The following MGMT variants were observed in gnomAD, a reference collection of about 807,000 sequenced individuals.
MGMT encodes the protein methylated-DNA--protein-cysteine methyltransferase.
MGMT carries 14 observed loss-of-function variants against 15.9 expected under a neutral mutation model. The observed-to-expected ratio is 0.88, with a 90% CI of 0.58 to 1.37. MGMT has a LOEUF of 1.37. MGMT is among the 40% of genes most tolerant of loss of function. The pLI, the probability that MGMT is intolerant of heterozygous loss-of-function variation, is 0.00. For synonymous variants in MGMT, 130 were observed against 118.2 expected (o/e 1.10, Z -0.65); for missense variants, 282 against 268.1 (o/e 1.05, Z -0.36).
intron 2 of MGMT, among the ~76,000 whole-genome samples, chr10:129,572,611 A>G (rs1202766468): frequency 2.0e-5 from 3 of 152,234 alleles, no homozygotes; most frequent in Non-Finnish European, 4.4e-5. Flanking sequence ...TTTTTATACT[A>G]TGGATGCTGA....
chr10:129,660,751 C>A (rs1211527459), intron 2 of MGMT, among the ~76,000 whole-genome samples: 1 of 149,476 alleles, frequency 6.7e-6, no homozygotes, highest in Non-Finnish European at 1.5e-5. Context: ...TTTCTTTTCA[C>A]AAAGAGGAAG....
At chr10:129,704,227 C>T (rs1848132646) in intron 2 of MGMT, among the ~76,000 whole-genome samples, 1 of 152,026 alleles carries the variant, frequency 6.6e-6, no homozygotes, top group African/African-American at 2.4e-5. Flanking sequence ...CCAGACCTCA[C>T]TAACGGGGAA....
At chr10:129,726,678 T>A (rs1848438040) in intron 3 of MGMT, among the ~76,000 whole-genome samples, 1 of 152,238 alleles carries the variant, frequency 6.6e-6, no homozygotes, top group South Asian at 2.1e-4. Flanking sequence ...AATTTAAATA[T>A]CAGTCATTTT....
intron 2 of MGMT, among the ~76,000 whole-genome samples, chr10:129,696,197 C>T (rs1192341373): frequency 3.3e-5 from 5 of 152,114 alleles, no homozygotes; most frequent in East Asian, 1.9e-4. Context: ...CTTAGTGTAA[C>T]GAGTGGGGCT....
chr10:129,510,247 G>A (rs1564837998), intron 1 of MGMT, among the ~76,000 whole-genome samples: 1 of 152,196 alleles, frequency 6.6e-6, no homozygotes, highest in Non-Finnish European at 1.5e-5. Context: ...TAACATAGTT[G>A]TTAGAAATAT....
intron 1 of MGMT, among the ~76,000 whole-genome samples, chr10:129,475,782 C>G (rs538297008): frequency 3.8e-4 from 58 of 152,332 alleles, no homozygotes; most frequent in African/African-American, 1.4e-3. Context: ...TCCATGGTGC[C>G]ACTTCTGAAA....
chr10:129,479,572 GT>G (rs1564829909), intron 1 of MGMT, among the ~76,000 whole-genome samples: 1 of 152,194 alleles, frequency 6.6e-6, no homozygotes, highest in Admixed American at 6.5e-5. Flanking sequence ...AATCAGTCAT[GT>G]TTTTGTGGAA....
At chr10:129,753,125 C>T (rs1848767405) in intron 3 of MGMT, among the ~76,000 whole-genome samples, 1 of 152,092 alleles carries the variant, frequency 6.6e-6, no homozygotes, top group Non-Finnish European at 1.5e-5. Flanking sequence ...AGGTTTTTTT[C>T]TTTCTTTCAG....
intron 2 of MGMT, among the ~76,000 whole-genome samples, chr10:129,567,466 C>T (rs1219749744): frequency 4.6e-5 from 7 of 152,066 alleles, no homozygotes; most frequent in African/African-American, 1.4e-4. Context: ...GGGGTCCCGG[C>T]GAGAAAGAGC....
At chr10:129,482,491 T>G (rs1845369017) in intron 1 of MGMT, among the ~76,000 whole-genome samples, 1 of 152,174 alleles carries the variant, frequency 6.6e-6, no homozygotes, top group Non-Finnish European at 1.5e-5. Context: ...CTAAAAATTA[T>G]TAGGAGTATT....
At chr10:129,643,380 G>A (rs544176588) in intron 2 of MGMT, among the ~76,000 whole-genome samples, 1 of 152,322 alleles carries the variant, frequency 6.6e-6, no homozygotes, top group African/African-American at 2.4e-5. Context: ...CAGTGGTTTT[G>A]AGTTTCCTGA....
chr10:129,725,700 T>C (rs559899240), intron 3 of MGMT, among the ~76,000 whole-genome samples: 44 of 152,222 alleles, frequency 2.9e-4, no homozygotes, highest in Non-Finnish European at 5.3e-4. Flanking sequence ...AGGATGCAGA[T>C]GCCCAGATTG....
At chr10:129,524,087 G>A (rs556515766) in intron 1 of MGMT, among the ~76,000 whole-genome samples, 1 of 152,336 alleles carries the variant, frequency 6.6e-6, no homozygotes, top group Non-Finnish European at 1.5e-5. Flanking sequence ...TGACCTGGGA[G>A]TGTCGTGAAG....
chr10:129,715,456 T>A (rs1848282911), intron 3 of MGMT: 1 of 152,256 alleles, frequency 6.6e-6, no homozygotes, highest in Non-Finnish European at 1.5e-5. Flanking sequence ...ATTTTCTCTC[T>A]GTTTTAAAGT....
At chr10:129,555,849 T>G (rs1422762921) in intron 2 of MGMT, among the ~76,000 whole-genome samples, 1 of 152,252 alleles carries the variant, frequency 6.6e-6, no homozygotes, top group East Asian at 1.9e-4. Context: ...CAAGTTTTAT[T>G]TTCGGCAACT....
intron 2 of MGMT, among the ~76,000 whole-genome samples, chr10:129,684,850 C>T (rs1035769792): frequency 6.6e-6 from 1 of 152,234 alleles, no homozygotes; most frequent in Middle Eastern, 3.2e-3. Context: ...AGATTTCTCA[C>T]CTGGATTTGT....
chr10:129,727,785 G>C (rs1213615062), intron 3 of MGMT, among the ~76,000 whole-genome samples: 2 of 152,204 alleles, frequency 1.3e-5, no homozygotes, highest in African/African-American at 2.4e-5. Context: ...GGAGCCCCGG[G>C]TAAGCCAGCA....
At chr10:129,564,486 TTCCTCCTCCCC>T (rs1196772289) in intron 2 of MGMT, among the ~76,000 whole-genome samples, 9 of 67,414 alleles carry the variant, frequency 1.3e-4, no homozygotes, top group Admixed American at 1.8e-4. Flanking sequence ...TCCTCCTCCC[TTCCTCCTCCCC>T]TCCTCCTCCC....
intron 2 of MGMT, among the ~76,000 whole-genome samples, chr10:129,706,886 A>G (rs1848169579): frequency 6.6e-6 from 1 of 152,196 alleles, no homozygotes; most frequent in Non-Finnish European, 1.5e-5. Context: ...CACCCCAAAC[A>G]GAAGCAGCCA....
Sources: allele counts gnomAD v4.1 joint callset (sites outside exome capture counted in the v4.1 genomes callset), GRCh38; gene constraint gnomAD v4.1.1; transcripts MANE v1.5; gene names NCBI Gene and HGNC (gene_info 2026-07-23, HGNC 2026-07-21).